The following ERBB4 variants were observed in gnomAD, a reference collection of about 807,000 sequenced individuals.
The protein encoded by ERBB4 is erb-b2 receptor tyrosine kinase 4.
ERBB4 carries 42 observed loss-of-function variants against 158.0 expected under a neutral mutation model. The observed-to-expected ratio is 0.27, with a 90% CI of 0.21 to 0.34. The LOEUF is 0.34. Ranked by LOEUF, ERBB4 falls within the 10% of genes least tolerant of loss-of-function variation. The pLI, the probability that ERBB4 is intolerant of heterozygous loss-of-function variation, is 1.00. For synonymous variants in ERBB4, 583 were observed against 558.7 expected, an observed-to-expected ratio of 1.04 and a Z score of -0.61; for missense variants, 1,333 against 1,624.1, an observed-to-expected ratio of 0.82 and a Z score of 3.08.
At chr2:212,369,109 C>T (rs141026568) in intron 1 of ERBB4, among the ~76,000 whole-genome samples, 46 of 152,266 alleles carry the variant, frequency 3.0e-4, no homozygotes, top group Middle Eastern at 6.8e-3. Flanking sequence ...TGGTCTATTA[C>T]ATTTTTTGTT....
intron 3 of ERBB4, among the ~76,000 whole-genome samples, chr2:211,792,680 A>G (rs1028890019): frequency 6.6e-6 from 1 of 151,816 alleles, no homozygotes; most frequent in Non-Finnish European, 1.5e-5. Context: ...TCTACCTCAC[A>G]TTGTCCTTAC....
chr2:212,487,348 T>TTA (rs1690031200), intron 1 of ERBB4, among the ~76,000 whole-genome samples: 1 of 152,114 alleles, frequency 6.6e-6, no homozygotes, highest in African/African-American at 2.4e-5. Context: ...AAAATAACTT[T>TTA]TATGTCTTAT....
chr2:212,267,836 T>A (rs1301476578), intron 1 of ERBB4, among the ~76,000 whole-genome samples: 1 of 150,766 alleles, frequency 6.6e-6, no homozygotes, highest in Non-Finnish European at 1.5e-5. Context: ...AAAATTTCTA[T>A]ACCTGGCACT....
At chr2:211,812,159 T>C (rs138218528) in intron 3 of ERBB4, among the ~76,000 whole-genome samples, 45,112 of 152,126 alleles carry the variant, frequency 0.3, 7,104 homozygotes, top group East Asian at 0.4. Flanking sequence ...CCCATCTTTG[T>C]GGTTTTATCT....
chr2:211,640,020 G>A (rs2070514851), intron 16 of ERBB4, among the ~76,000 whole-genome samples: 1 of 152,072 alleles, frequency 6.6e-6, no homozygotes, highest in Admixed American at 6.6e-5. Flanking sequence ...ACCAAGTCTA[G>A]CCTTGAAAAC....
chr2:211,889,417 A>C (rs1182448614), intron 3 of ERBB4, among the ~76,000 whole-genome samples: 1 of 147,502 alleles, frequency 6.8e-6, no homozygotes, highest in Non-Finnish European at 1.5e-5. Flanking sequence ...ATCATCAAAG[A>C]CCAAAAGTAG....
intron 25 of ERBB4, among the ~76,000 whole-genome samples, chr2:211,415,087 C>A (rs1170161920): frequency 1.4e-5 from 2 of 147,610 alleles, no homozygotes; most frequent in Non-Finnish European, 1.5e-5. Context: ...TAAGGCAAAT[C>A]CCATTGAAAC....
chr2:212,152,236 T>G (rs568215331), intron 1 of ERBB4, among the ~76,000 whole-genome samples: 49 of 152,308 alleles, frequency 3.2e-4, no homozygotes, highest in African/African-American at 1.1e-3. Context: ...TTTGTGATCT[T>G]CGGCTAATTA....
At chr2:212,498,722 G>A (rs959411068) in intron 1 of ERBB4, among the ~76,000 whole-genome samples, 4 of 151,900 alleles carry the variant, frequency 2.6e-5, no homozygotes, top group African/African-American at 4.8e-5. Flanking sequence ...AATTCTACAA[G>A]AAATGACTCA....
chr2:211,779,329 A>G (rs750497982), intron 4 of ERBB4: 1 of 152,238 alleles, frequency 6.6e-6, no homozygotes, highest in Non-Finnish European at 1.5e-5. Context: ...ATATTACCTT[A>G]CATGACACAT....
intron 3 of ERBB4, among the ~76,000 whole-genome samples, chr2:211,870,155 T>C (rs557435047): frequency 2.0e-5 from 3 of 152,258 alleles, no homozygotes; most frequent in African/African-American, 7.2e-5. Flanking sequence ...TGAAAATTGT[T>C]CCATTTAGCA....
At chr2:211,791,950 TTA>T (rs1312292701) in intron 3 of ERBB4, among the ~76,000 whole-genome samples, 1 of 151,772 alleles carries the variant, frequency 6.6e-6, no homozygotes, top group Non-Finnish European at 1.5e-5. Context: ...TGAATTTAAC[TTA>T]TATATAGCAT....
intron 5 of ERBB4, among the ~76,000 whole-genome samples, chr2:211,732,201 TAA>T (rs1473152246): frequency 6.6e-6 from 1 of 152,130 alleles, no homozygotes; most frequent in African/African-American, 2.4e-5. Flanking sequence ...GCAGAAGAAA[TAA>T]GTCAAAAATT....
chr2:212,456,522 T>A (rs571216743), intron 1 of ERBB4, among the ~76,000 whole-genome samples: 1 of 151,844 alleles, frequency 6.6e-6, no homozygotes, highest in Non-Finnish European at 1.5e-5. Flanking sequence ...AGTCTGCTGT[T>A]TATAAATACC....
chr2:211,713,603 C>T lies in ERBB4; in HGVS notation c.929G>A (p.Ser310Asn). ...ATTTTCTTCTACTTCCATCTTGGAA[C>T]TAGGGCAGGCACGCACACAAGAACT... Reference protein sequence around the residue: ...DSSSCVRACPSSKMEVEENGI... With the variant: ...DSSSCVRACPNSKMEVEENGI... Residue 310 changes from serine (S) to asparagine (N), a missense_variant, in exon 8 of 28, where the codon AGT becomes AAT. Ser to Asn is a conservative substitution (Grantham distance 46). Coordinates refer to ENST00000342788, the MANE Select transcript of ERBB4 (RefSeq NM_005235.3). 1 of 1,610,654 alleles carries T rather than the reference C, an allele frequency of 6.2e-7. No homozygotes were observed. Among genetic ancestry groups the T allele is most frequent in the Non-Finnish European group, 8.5e-7 (1 of 1,178,622 alleles).
intron 1 of ERBB4, among the ~76,000 whole-genome samples, chr2:212,482,875 GCCTCCCAAAGTGCTGGGA>G (rs1225504132): frequency 1.3e-5 from 2 of 152,192 alleles, no homozygotes; most frequent in African/African-American, 4.8e-5. Flanking sequence ...GCCCGCCTCA[GCCTCCCAAAGTGCTGGGA>G]CTACAGGCGT....
chr2:211,645,764 A>G (rs1252812397), intron 16 of ERBB4, among the ~76,000 whole-genome samples: 2 of 151,764 alleles, frequency 1.3e-5, no homozygotes, highest in African/African-American at 2.4e-5. Context: ...TAATGACACT[A>G]TAATTCAAAT....
chr2:211,476,126 C>T (rs2125537002), intron 20 of ERBB4, among the ~76,000 whole-genome samples: 1 of 152,110 alleles, frequency 6.6e-6, no homozygotes, highest in Non-Finnish European at 1.5e-5. Context: ...GATAGACTGA[C>T]TTTAGAACTT....
intron 1 of ERBB4, among the ~76,000 whole-genome samples, chr2:212,424,775 G>A (rs2091870782): frequency 6.6e-6 from 1 of 151,962 alleles, no homozygotes; most frequent in African/African-American, 2.4e-5. Flanking sequence ...AAAGAGAACA[G>A]TTGGAAAACC....
Sources: gnomAD v4.1 joint callset for allele counts (sites outside exome capture counted in the v4.1 genomes callset) on GRCh38, gnomAD v4.1.1 for gene constraint, MANE v1.5 for transcripts, NCBI Gene and HGNC (gene_info 2026-07-23, HGNC 2026-07-21) for gene names.